The following TOGARAM2 variants were observed in gnomAD, a reference collection of about 807,000 sequenced individuals.
The protein encoded by TOGARAM2 is TOG array regulator of axonemal microtubules protein 2.
TOGARAM2 carries 85 observed loss-of-function variants against 93.3 expected under a neutral mutation model. The ratio of observed to expected loss-of-function variants is 0.91; its 90% confidence interval spans 0.76 to 1.09. TOGARAM2 has a LOEUF of 1.09. Among genes scored for constraint, TOGARAM2 ranks in the 50% least tolerant of loss-of-function variants. The probability of loss-of-function intolerance (pLI) is 0.00; values close to 1 mark genes in which losing one functional copy is unlikely to be tolerated. For synonymous variants in TOGARAM2, 593 were observed against 552.8 expected (o/e 1.07, Z -1.02); for missense variants, 1,277 against 1,334.5 (o/e 0.96, Z 0.67).
At chr2:29,012,215 G>A (rs956790973) in intron 7 of TOGARAM2, among the ~76,000 whole-genome samples, 1 of 152,186 alleles carries the variant, frequency 6.6e-6, no homozygotes, top group Admixed American at 6.5e-5. Context: ...CCAGGCCAGG[G>A]TGGGGAGGAG....
chr2:28,979,384 T>G (rs925456903), upstream of TOGARAM2, among the ~76,000 whole-genome samples: 12 of 152,338 alleles, frequency 7.9e-5, no homozygotes, highest in African/African-American at 2.9e-4. Context: ...GTCTTCCTGC[T>G]AGGCATATGA....
At chr2:28,968,538 C>A (rs1356322897) in intron 1 of TOGARAM2, among the ~76,000 whole-genome samples, 1 of 152,020 alleles carries the variant, frequency 6.6e-6, no homozygotes, top group Non-Finnish European at 1.5e-5. Flanking sequence ...CACCCATATG[C>A]ACCCTAGGAA....
chr2:28,999,176 C>T lies in TOGARAM2; in HGVS notation c.140-5C>T, dbSNP rs748213898. 6.2e-7 allele frequency: 1 copy of T among 1,608,436 alleles called. No homozygotes were observed. Among genetic ancestry groups the T allele is most frequent in the South Asian group, 1.1e-5 (1 of 90,374 alleles). On this transcript the variant is annotated splice_polypyrimidine_tract_variant and splice_region_variant and intron_variant, in intron 3 of 19. Transcript: ENST00000379558. Reference sequence around the variant, plus strand: ...CCAAGCCATTCACACCTCTGTCCCCCTCAGGTTCTCTCCAGCCTGAGCCAA... The same window carrying T: ...CCAAGCCATTCACACCTCTGTCCCCTTCAGGTTCTCTCCAGCCTGAGCCAA...
chr2:29,032,736 A>G, intron 14 of TOGARAM2, 198 bp from the exon 15 acceptor site: 1 of 517,866 alleles, frequency 1.9e-6, no homozygotes, highest in Non-Finnish European at 3.4e-6. Flanking sequence ...AAAATTTAAT[A>G]GGGATTTTCT....
intron 1 of TOGARAM2, among the ~76,000 whole-genome samples, chr2:28,961,252 C>A (rs1276315993): frequency 1.3e-5 from 2 of 152,020 alleles, no homozygotes; most frequent in Non-Finnish European, 2.9e-5. Context: ...CCTCAGTTTC[C>A]AGAGTGACAA....
intron 1 of TOGARAM2, among the ~76,000 whole-genome samples, chr2:28,970,091 A>G (rs1033096762): frequency 7.9e-5 from 12 of 152,170 alleles, no homozygotes; most frequent in African/African-American, 2.4e-4. Context: ...GATTACAGGC[A>G]TGAGCCACCG....
At chr2:28,978,314 C>G (rs1311926694), upstream of TOGARAM2, among the ~76,000 whole-genome samples, 2 of 135,728 alleles carry the variant, frequency 1.5e-5, no homozygotes, top group Admixed American at 7.3e-5. Context: ...ACAGCTACAT[C>G]CCAGAGCAAG....
chr2:28,977,981 A>T (rs567852662), upstream of TOGARAM2, among the ~76,000 whole-genome samples: 1 of 152,160 alleles, frequency 6.6e-6, no homozygotes, highest in East Asian at 1.9e-4. Context: ...ATCTCGACTC[A>T]TTGCAACTTC....
In TOGARAM2 at chr2:29,035,594, G is replaced by A. The variant is rs757227797; in HGVS notation, c.2356G>A (p.Val786Met). 1.7e-5 allele frequency: 27 copies of A among 1,587,632 alleles called. No individual in the cohort carries two copies. The highest frequency in any genetic ancestry group is 1.7e-4 in the Middle Eastern group (1 of 5,970). Reference protein sequence around the residue: ...AKDFRSRMEGVGQLLELCKAK... With the variant: ...AKDFRSRMEGMGQLLELCKAK... ...GGACTTCCGGTCCCGGATGGAAGGCGTGGGGCAGCTCCTGGAGCTCTGCAA... is the reference window on the plus strand; with the variant it reads ...GGACTTCCGGTCCCGGATGGAAGGCATGGGGCAGCTCCTGGAGCTCTGCAA... The change falls in exon 17 of 20, where the codon GTG becomes ATG. Residue 786 changes from valine to methionine, a missense_variant. Coordinates refer to ENST00000379558, the MANE Select transcript of TOGARAM2 (RefSeq NM_199280.4).
At chr2:29,023,777 TAC>T (rs112660627) in intron 12 of TOGARAM2, among the ~76,000 whole-genome samples, 5,279 of 152,184 alleles carry the variant, frequency 0.035, 293 homozygotes, top group African/African-American at 0.12. Flanking sequence ...CCAGAAAAAA[TAC>T]AGTTACATTC....
chr2:29,020,646 G>T (rs1270222404), intron 10 of TOGARAM2, among the ~76,000 whole-genome samples: 1 of 152,206 alleles, frequency 6.6e-6, no homozygotes, highest in Non-Finnish European at 1.5e-5. Flanking sequence ...AAATGCCCCT[G>T]TGGGGTGCGG....
chr2:28,980,528 G>A (rs2148232314), upstream of TOGARAM2, among the ~76,000 whole-genome samples: 1 of 152,348 alleles, frequency 6.6e-6, no homozygotes, highest in East Asian at 1.9e-4. Flanking sequence ...GGCTTCCACT[G>A]TGTGCCCCCT....
chr2:28,983,198 A>ATATATTTT (rs1196223294), intron 1 of TOGARAM2, among the ~76,000 whole-genome samples: 1 of 56,622 alleles, frequency 1.8e-5, no homozygotes, highest in Non-Finnish European at 2.9e-5. Context: ...ATATATATAT[A>ATATATTTT]TTTTTTTTTT....
chr2:29,018,245 A>C (rs1664717520), intron 10 of TOGARAM2: 1 of 382,204 alleles, frequency 2.6e-6, no homozygotes, highest in Middle Eastern at 6.8e-4. Flanking sequence ...GGCCAAAGAC[A>C]CTAGACAATA....
intron 1 of TOGARAM2, among the ~76,000 whole-genome samples, chr2:28,968,049 C>A (rs1179959413): frequency 6.6e-6 from 1 of 151,944 alleles, no homozygotes; most frequent in Non-Finnish European, 1.5e-5. Flanking sequence ...GAACTCCTGA[C>A]GTCAGGTGAT....
chr2:29,012,506 C>T (rs1213497235), intron 7 of TOGARAM2, among the ~76,000 whole-genome samples: 3 of 152,132 alleles, frequency 2.0e-5, no homozygotes, highest in Non-Finnish European at 1.5e-5. Flanking sequence ...AGAGCTAACC[C>T]GGAGGACGCT....
chr2:29,011,465 G>C lies in TOGARAM2; in HGVS notation c.841G>C (p.Gly281Arg), dbSNP rs200094591. 6.8e-6 allele frequency: 11 copies of C among 1,609,330 alleles called. 1 individual carries two copies. The highest frequency in any genetic ancestry group is 1.3e-5 in the African/African-American group (1 of 74,592). Residue 281 changes from glycine to arginine, a missense_variant, in exon 7 of 20, where the codon GGG becomes CGG. Physicochemically the swap from Gly to Arg is moderately radical, Grantham distance 125 (BLOSUM62 -2). Coordinates refer to ENST00000379558, the MANE Select transcript of TOGARAM2 (RefSeq NM_199280.4). ...CCCCGTTCTTTTAAGATTGGCTCGG[G>C]GGAGTGGGCCTCGGGAGAAGACCCC... ...LRAPRTRLAR[G>R]SGPREKTPAS...
intron 6 of TOGARAM2, among the ~76,000 whole-genome samples, chr2:29,008,669 C>T (rs1222458629): frequency 6.6e-6 from 1 of 152,146 alleles, no homozygotes; most frequent in Non-Finnish European, 1.5e-5. Context: ...GTTGCCCAGG[C>T]TTGTCCTGAA....
chr2:28,974,926 C>T (rs923342455), intron 1 of TOGARAM2, among the ~76,000 whole-genome samples: 23 of 151,830 alleles, frequency 1.5e-4, no homozygotes, highest in African/African-American at 4.1e-4. Flanking sequence ...CCACTGTGCC[C>T]GGCCTTGTTC....
Sources: allele counts gnomAD v4.1 joint callset (sites outside exome capture counted in the v4.1 genomes callset), GRCh38; gene constraint gnomAD v4.1.1; transcripts MANE v1.5; gene names NCBI Gene and HGNC (gene_info 2026-07-23, HGNC 2026-07-21).